CD276: variants seen among roughly 807,000 people sequenced by gnomAD.
CD276 encodes CD276 antigen.
CD276 carries 34 observed loss-of-function variants against 50.0 expected under a neutral mutation model. That is an observed-to-expected ratio of 0.68 (90% confidence interval 0.52 to 0.91). The LOEUF (loss-of-function observed/expected upper bound fraction) is 0.91, where lower values mean the gene tolerates loss of function less well. CD276 is among the 40% of genes least tolerant of loss of function. The pLI is 0.00. For missense variants in CD276, 634 were observed against 717.5 expected, an observed-to-expected ratio of 0.88 and a Z score of 1.33; for synonymous variants, 275 against 313.0, an observed-to-expected ratio of 0.88 and a Z score of 1.28.
In CD276 at chr15:73,704,382, C is replaced by T. The variant is rs749650643; in HGVS notation, c.1279C>T (p.Arg427Trp). ...QGLFDVHSVL[R>W]VVLGANGTYS... ...CTTGTTTGATGTGCACAGCGTCCTG[C>T]GGGTGGTGCTGGGTGCGAATGGCAC... The change falls in exon 6 of 10, where the codon CGG becomes TGG. Residue 427 changes from arginine to tryptophan, a missense_variant. Physicochemically the swap from Arg to Trp is moderately radical, Grantham distance 101. Coordinates refer to ENST00000318443, the MANE Select transcript of CD276 (RefSeq NM_001024736.2). This position sits in a 1 kb window ranked among gnomAD's most constrained non-coding sequence, Gnocchi z 4.1. 1.1e-5 allele frequency: 17 copies of T among 1,614,018 alleles called. No homozygotes were observed. The East Asian group carries it at 2.5e-4, about 23-fold the overall frequency.
At chr15:73,705,301 C>T (rs993174535) in intron 6 of CD276, among the ~76,000 whole-genome samples, 1 of 152,222 alleles carries the variant, frequency 6.6e-6, no homozygotes, top group Non-Finnish European at 1.5e-5. Context: ...CTTCTGATGA[C>T]TTCCATCTGC....
At chr15:73,690,863 G>A in intron 1 of CD276, 1 of 454,242 alleles carries the variant, frequency 2.2e-6, no homozygotes, top group Non-Finnish European at 4.4e-6. Flanking sequence ...TGGGCAGGTG[G>A]GCAGGGCCAG....
rs1900426724 is a variant in CD276 at position 73,702,309 on chromosome 15, A to G, written c.134A>G (p.Asp45Gly). The G allele has an allele frequency of 6.2e-7, 1 of 1,613,218 alleles. No individual in the cohort carries two copies. The highest frequency in any genetic ancestry group is 1.3e-5 in the African/African-American group (1 of 75,024). ...CCAGTGGTGGCACTGGTGGGCACCGATGCCACCCTGTGCTGCTCCTTCTCC... is the reference window on the plus strand; with the variant it reads ...CCAGTGGTGGCACTGGTGGGCACCGGTGCCACCCTGTGCTGCTCCTTCTCC... ...EDPVVALVGTDATLCCSFSPE... is the reference protein window; with the variant it reads ...EDPVVALVGTGATLCCSFSPE... Residue 45 changes from aspartate (D) to glycine (G), a missense_variant, in exon 3 of 10, where the codon GAT becomes GGT. Coordinates refer to ENST00000318443, the MANE Select transcript of CD276 (RefSeq NM_001024736.2).
At chr15:73,689,253 G>C (rs1435238883) in intron 1 of CD276, among the ~76,000 whole-genome samples, 1 of 146,340 alleles carries the variant, frequency 6.8e-6, no homozygotes, top group East Asian at 2.1e-4. Context: ...TGCATGTATA[G>C]GTCAGTTTTG....
intron 1 of CD276, among the ~76,000 whole-genome samples, chr15:73,693,527 C>T (rs1900060776): frequency 6.6e-6 from 1 of 152,188 alleles, no homozygotes; most frequent in Non-Finnish European, 1.5e-5. Context: ...CCATTCTGAA[C>T]TCCATCAGAA....
chr15:73,697,185 C>T (rs144735594), intron 1 of CD276, among the ~76,000 whole-genome samples: 12 of 152,254 alleles, frequency 7.9e-5, no homozygotes, highest in Non-Finnish European at 1.2e-4. Flanking sequence ...TGAATGGAGC[C>T]GGGGAAGGCT....
At chr15:73,708,317 C>T in intron 6 of CD276, 22 bp from the exon 7 acceptor site, 1 of 1,612,334 alleles carries the variant, frequency 6.2e-7, no homozygotes, top group Non-Finnish European at 8.5e-7. Flanking sequence ...GACAGTCTCA[C>T]TGTTGCTACT....
rs1469044467 is a variant in CD276, at chr15:73,713,596, G to T, written c.*640G>T. 3.1e-6 allele frequency: 1 copy of T among 323,920 alleles called. No individual in the cohort carries two copies. Among genetic ancestry groups the T allele is most frequent in the Admixed American group, 5.2e-5 (1 of 19,170 alleles). 20.1% of individuals were successfully genotyped at this position (323,920 alleles called of 1,614,324 possible). On this transcript the variant is annotated 3_prime_UTR_variant, in exon 10 of 10. Coordinates refer to ENST00000318443, the MANE Select transcript of CD276 (RefSeq NM_001024736.2). ...CCCTCCCTGCCCCAAGTGAAGACAG[G>T]GCACTCTGCGCCCACCACATGCACA...
chr15:73,701,964 T>C (rs1445545901), intron 2 of CD276, among the ~76,000 whole-genome samples: 3 of 152,242 alleles, frequency 2.0e-5, no homozygotes, highest in African/African-American at 7.2e-5. Context: ...AGTCACATGC[T>C]GACGAGAATC....
chr15:73,700,552 A>G (rs1362930379), intron 2 of CD276, among the ~76,000 whole-genome samples: 2 of 152,128 alleles, frequency 1.3e-5, no homozygotes, highest in Non-Finnish European at 2.9e-5. Context: ...TGTCCCCTCC[A>G]AGGGGCACCC....
At chr15:73,706,483 C>T (rs1374283545) in intron 6 of CD276, among the ~76,000 whole-genome samples, 2 of 149,886 alleles carry the variant, frequency 1.3e-5, no homozygotes, top group African/African-American at 4.9e-5. Context: ...TAAACTCCTC[C>T]GTGGGTCTGT....
At chr15:73,688,335 G>T (rs911857217) in intron 1 of CD276, among the ~76,000 whole-genome samples, 15 of 152,068 alleles carry the variant, frequency 9.9e-5, no homozygotes, top group Non-Finnish European at 7.4e-5. Flanking sequence ...TTTGGTACTG[G>T]GCACTTTCCT....
rs772981824 is a variant in CD276, at chr15:73,703,827, G to A, written c.902G>A (p.Arg301Gln). The A allele has an allele frequency of 2.8e-5, 45 of 1,613,508 alleles. No individual in the cohort carries two copies. Among genetic ancestry groups the A allele is most frequent in the Middle Eastern group, 1.7e-4 (1 of 6,018 alleles). ...KQLVHSFTEG[R>Q]DQGSAYANRT... ...CTGGTGCACAGTTTCACCGAAGGCC[G>A]GGACCAGGGCAGCGCCTATGCCAAC... Residue 301 changes from arginine (R) to glutamine (Q), a missense_variant, in exon 5 of 10, where the codon CGG becomes CAG. By Grantham distance (43) the Arg-to-Gln change is conservative. Coordinates refer to ENST00000318443, the MANE Select transcript of CD276 (RefSeq NM_001024736.2).
chr15:73,707,643 G>T (rs1900699446), intron 6 of CD276, among the ~76,000 whole-genome samples: 1 of 152,238 alleles, frequency 6.6e-6, no homozygotes, highest in Admixed American at 6.5e-5. Context: ...CTCTGTTGCT[G>T]CTGCTTCTCC....
At chr15:73,709,737 T>A (rs201294636) in intron 8 of CD276, 48 bp downstream of exon 8, 1 of 1,582,512 alleles carries the variant, frequency 6.3e-7, no homozygotes, top group South Asian at 1.1e-5. Context: ...GAGGGACATA[T>A]GGGAAAGGAG....
rs545704567 is a variant in CD276, at chr15:73,709,653, G to A, written c.1510G>A (p.Glu504Lys). ...CTGAGTTCTTGCCTTTGCAGGAGCT[G>A]AGGACCAGGATGGGGAGGGAGAAGG... is the stretch of plus-strand genomic sequence containing the variant. ...QSCEEENAGA[E>K]DQDGEGEGSK... The change falls in exon 8 of 10, where the codon GAG becomes AAG. Residue 504 changes from glutamate (E) to lysine (K), a missense_variant. Glu to Lys is a moderately conservative substitution (Grantham distance 56, BLOSUM62 1). Coordinates refer to ENST00000318443, the MANE Select transcript of CD276 (RefSeq NM_001024736.2). 5 of 1,612,946 alleles carry A rather than the reference G, an allele frequency of 3.1e-6. No homozygotes were observed. In the African/African-American group the frequency reaches 5.3e-5, roughly 17 times the overall value.
chr15:73,686,738 G>A (rs369165425), intron 1 of CD276, among the ~76,000 whole-genome samples: 2 of 152,192 alleles, frequency 1.3e-5, no homozygotes, highest in East Asian at 3.8e-4. Flanking sequence ...CCTAGAAAAT[G>A]TTGTAGAACA....
intron 4 of CD276, 63 bp from the exon 5 acceptor site, chr15:73,703,596 C>T (rs1477801322): frequency 9.2e-6 from 12 of 1,303,064 alleles, no homozygotes; most frequent in East Asian, 4.9e-5. Flanking sequence ...TTGGGGGACT[C>T]GGGTGGTAGC....
chr15:73,707,163 G>A (rs747308419), intron 6 of CD276, among the ~76,000 whole-genome samples: 6 of 152,232 alleles, frequency 3.9e-5, no homozygotes, highest in South Asian at 4.1e-4. Context: ...GGTCTCTGCC[G>A]CCAAAGGGTC....
Sources: gnomAD v4.1 joint callset for allele counts (sites outside exome capture counted in the v4.1 genomes callset) on GRCh38, gnomAD v4.1.1 for gene constraint, Gnocchi (gnomAD v3.1) non-coding constraint, MANE v1.5 for transcripts, NCBI Gene and HGNC (gene_info 2026-07-23, HGNC 2026-07-21) for gene names.